CHD3: variants seen among roughly 807,000 people sequenced by gnomAD.
CHD3 encodes the protein ATP-dependent chromatin remodeler CHD3.
A neutral mutation model predicts 248.9 loss-of-function variants in CHD3; 52 were observed. That is an observed-to-expected ratio of 0.21 (90% CI 0.17 to 0.26). The LOEUF (loss-of-function observed/expected upper bound fraction) is 0.26. Ranked by LOEUF, CHD3 falls within the 10% of genes least tolerant of loss-of-function variation. The pLI is 1.00. For missense variants in CHD3, 1,482 were observed against 2,605.8 expected (o/e 0.57, Z 9.39); for synonymous variants, 985 against 985.2 (o/e 1.00, Z 0.00).
In CHD3 at chr17:7,898,995, CT is replaced by C; in HGVS notation, c.2152-14del. 6.2e-7 allele frequency: 1 copy of C among 1,612,442 alleles called. No individual in the cohort carries two copies. The highest frequency in any genetic ancestry group is 1.1e-5 in the South Asian group (1 of 91,040). On this transcript the variant is annotated splice_polypyrimidine_tract_variant and intron_variant, in intron 13 of 39. Transcript: ENST00000330494. ...CCGACTATTTCCTTGAGCTTTCTGA[CT>C]TCTTGTCTCTATAGCCTACCGTGAA...
rs1567855431 is a variant in CHD3 at position 7,900,264 on chromosome 17, CTGCCT to C, written c.2683-16_2683-12del. 6.2e-7 allele frequency: 1 copy of C among 1,613,792 alleles called. No homozygotes were observed. Among genetic ancestry groups the C allele is most frequent in the South Asian group, 1.1e-5 (1 of 91,028 alleles). On this transcript the variant is annotated intron_variant, in intron 16 of 39. Transcript: ENST00000330494. The surrounding 1 kb of genome is among the most constrained non-coding windows in gnomAD (Gnocchi z 6.5). ...ACTTGTCACTAATAAGCCCATTTTC[CTGCCT>C]TGCCTTGCCCCATCTTTTAGTTTTT...
chr17:7,903,771 C>T lies in CHD3; in HGVS notation c.3728-54C>T. Reference sequence around the variant, plus strand: ...GGACGCAGAGTAGAAGCTTTCCCATCAGCCTTTCTAAACTTTGGAACCCAA... The same window carrying T: ...GGACGCAGAGTAGAAGCTTTCCCATTAGCCTTTCTAAACTTTGGAACCCAA... On this transcript the variant is annotated intron_variant, in intron 23 of 39. Transcript: ENST00000330494. The surrounding 1 kb of genome is among the most constrained non-coding windows in gnomAD (Gnocchi z 6.8). 6.3e-7 allele frequency: 1 copy of T among 1,586,090 alleles called. No individual in the cohort carries two copies. The highest frequency in any genetic ancestry group is 8.6e-7 in the Non-Finnish European group (1 of 1,158,832).
rs927137611 is a variant in CHD3, at chr17:7,912,632, T to G, written c.*1047T>G. The stretch of plus-strand genomic sequence containing the variant: ...CATGGCGAACCCCCCACTTCCTCTT[T>G]GCTGCCCCTTCACTTTCTTGCTGCC... On this transcript the variant is annotated 3_prime_UTR_variant, in exon 40 of 40. Transcript: ENST00000330494. 1 of 152,178 alleles carries G rather than the reference T, an allele frequency of 6.6e-6. No individual in the cohort carries two copies. Among genetic ancestry groups the G allele is most frequent in the Non-Finnish European group, 1.5e-5 (1 of 68,086 alleles). 9.4% of individuals were successfully genotyped at this position (152,178 alleles called of 1,614,324 possible). A position where few individuals can be genotyped will look rare whatever the true frequency, so the allele number is the denominator to read the frequency against.
chr17:7,895,277 A>C lies in CHD3; in HGVS notation c.1504-62A>C. On this transcript the variant is annotated intron_variant, in intron 9 of 39. Coordinates refer to ENST00000330494, the MANE Select transcript of CHD3 (RefSeq NM_001005273.3). The surrounding 1 kb of genome is among the most constrained non-coding windows in gnomAD (Gnocchi z 4.9). ...ACCCTTGTGGGACCCCTATCTTCTC[A>C]TCTAACAATGGGTTCTTTCTGCCTC... is the stretch of plus-strand genomic sequence containing the variant. The C allele has an allele frequency of 6.3e-7, 1 of 1,595,616 alleles. No homozygotes were observed. Among genetic ancestry groups the C allele is most frequent in the Non-Finnish European group, 8.6e-7 (1 of 1,167,870 alleles).
Position 7,908,569 on chromosome 17 carries a change from A to G in CHD3, c.5261+59A>G. On this transcript the variant is annotated intron_variant, in intron 35 of 39. Transcript: ENST00000330494. The surrounding 1 kb of genome is among the most constrained non-coding windows in gnomAD (Gnocchi z 5.8). ...TTCTCTCAAGCTGGCAAAAAAAAAA[A>G]AGATGATTTCACACCCAGGGACAGG... is the stretch of plus-strand genomic sequence containing the variant. 1.9e-6 allele frequency: 3 copies of G among 1,586,456 alleles called. No homozygotes were observed. In the East Asian group the frequency reaches 6.7e-5, roughly 35 times the overall value.
Position 7,906,480 on chromosome 17 carries a change from C to G in CHD3, c.4359-73C>G. Reference sequence around the variant, plus strand: ...GGGGGTTTGGGGGTCCTCAGTCATCCTCGCGCCTCCCTCACTGCCCTATAC... The same window carrying G: ...GGGGGTTTGGGGGTCCTCAGTCATCGTCGCGCCTCCCTCACTGCCCTATAC... On this transcript the variant is annotated intron_variant, in intron 28 of 39. Coordinates refer to ENST00000330494, the MANE Select transcript of CHD3 (RefSeq NM_001005273.3). The surrounding 1 kb of genome is among the most constrained non-coding windows in gnomAD (Gnocchi z 5.0). 6.5e-7 allele frequency: 1 copy of G among 1,539,666 alleles called. No homozygotes were observed. The highest frequency in any genetic ancestry group is 1.4e-5 in the African/African-American group (1 of 73,184).
At chr17:7,885,884 C>A (rs1335655860), upstream of CHD3, among the ~76,000 whole-genome samples, 1 of 152,222 alleles carries the variant, frequency 6.6e-6, no homozygotes, top group African/African-American at 2.4e-5. Context: ...CCCCTCGCTC[C>A]CCCAGCCTGT....
At position 7,908,774 on chromosome 17, in the gene CHD3, C is replaced by A; in HGVS notation, c.5339C>A (p.Ala1780Asp). The change falls in exon 36 of 40, where the codon GCC becomes GAC. Residue 1780 changes from alanine (A) to aspartate (D), a missense_variant. By Grantham distance (126) the Ala-to-Asp change is moderately radical (BLOSUM62 -2). Transcript: ENST00000330494. The surrounding 1 kb of genome is among the most constrained non-coding windows in gnomAD (Gnocchi z 5.8). ...AIINEPFKTE[A>D]NKGNFLEMKN... is the part of the protein sequence containing the mutation. ...ATCAACGAGCCATTTAAAACTGAAGCCAATAAGGGGAACTTTCTGGAGATG... is the reference window on the plus strand; with the variant it reads ...ATCAACGAGCCATTTAAAACTGAAGACAATAAGGGGAACTTTCTGGAGATG... 1.9e-6 allele frequency: 3 copies of A among 1,614,066 alleles called. No homozygotes were observed. The highest frequency in any genetic ancestry group is 2.5e-6 in the Non-Finnish European group (3 of 1,180,006).
At chr17:7,898,366 G>A in intron 12 of CHD3, 130 bp from the exon 13 acceptor site, 1 of 781,402 alleles carries the variant, frequency 1.3e-6, no homozygotes, top group Non-Finnish European at 2.1e-6. Context: ...CAAGGGTAAA[G>A]AGCCTGGGAA....
rs571014498 is a variant in CHD3, at chr17:7,905,521, A to G, written c.4139-100A>G. Reference sequence around the variant, plus strand: ...TGGGAGCACCTCAAACGTGACAGGAATGTTCCTGTGTTGTGTATCTTGTGG... The same window carrying G: ...TGGGAGCACCTCAAACGTGACAGGAGTGTTCCTGTGTTGTGTATCTTGTGG... On this transcript the variant is annotated intron_variant, in intron 26 of 39. Coordinates refer to ENST00000330494, the MANE Select transcript of CHD3 (RefSeq NM_001005273.3). This position sits in a 1 kb window ranked among gnomAD's most constrained non-coding sequence, Gnocchi z 5.8. 5.1e-5 allele frequency: 45 copies of G among 889,772 alleles called. No individual in the cohort carries two copies. The East Asian group carries it at 1.2e-3, about 24-fold the overall frequency. 55.1% of individuals were successfully genotyped at this position (889,772 alleles called of 1,614,324 possible).
chr17:7,886,605 C>T (rs1161462401), upstream of CHD3, among the ~76,000 whole-genome samples: 3 of 152,112 alleles, frequency 2.0e-5, no homozygotes, highest in Non-Finnish European at 2.9e-5. The surrounding 1 kb of genome is among the most constrained non-coding windows in gnomAD (Gnocchi z 4.2). Flanking sequence ...CCCCGCCCCC[C>T]AAGCTTGTCT....
In CHD3 at chr17:7,890,717, G is replaced by T. The variant is rs748572297; in HGVS notation, c.360G>T (p.Lys120Asn). ...KKEKKTKRRK[K>N]GEGDGGQKQV... ...AGAAGAAGACAAAGCGGCGGAAAAA[G>T]GGGGAGGGAGATGGGGGGCAAAAGG... Residue 120 changes from lysine to asparagine, a missense_variant, in exon 3 of 40, where the codon AAG (lysine) becomes AAT (asparagine). By Grantham distance (94) the Lys-to-Asn change is moderately conservative. Around this residue, in one of 20 missense-constraint regions of CHD3, gnomAD observed 169 missense variants for 168.1 expected, o/e 1.01. Coordinates refer to ENST00000330494, the MANE Select transcript of CHD3 (RefSeq NM_001005273.3). 5 of 1,589,450 alleles carry T rather than the reference G, an allele frequency of 3.1e-6. No individual in the cohort carries two copies. Among genetic ancestry groups the T allele is most frequent in the Non-Finnish European group, 4.3e-6 (5 of 1,170,582 alleles).
chr17:7,901,309 C>T lies in CHD3; in HGVS notation c.3186C>T (p.Leu1062=). The T allele has an allele frequency of 6.2e-7, 1 of 1,613,986 alleles. No individual in the cohort carries two copies. Among genetic ancestry groups the T allele is most frequent in the African/African-American group, 1.3e-5 (1 of 75,058 alleles). The stretch of plus-strand genomic sequence containing the variant: ...CACTTATTAAGTCGTCTGGGAAGCT[C>T]ATGCTGCTCCAGAAGATGCTGCGAA... ...GGALIKSSGK[L]MLLQKMLRKL... Residue 1062 remains leucine (L), a synonymous_variant, in exon 20 of 40, where the codon CTC becomes CTT. Coordinates refer to ENST00000330494, the MANE Select transcript of CHD3 (RefSeq NM_001005273.3).
At chr17:7,886,378 G>A (rs951852724), upstream of CHD3, among the ~76,000 whole-genome samples, 2 of 152,160 alleles carry the variant, frequency 1.3e-5, no homozygotes, top group African/African-American at 4.8e-5. This position sits in a 1 kb window ranked among gnomAD's most constrained non-coding sequence, Gnocchi z 4.2. Flanking sequence ...GAACAGCAGG[G>A]GGACCTCCGC....
rs1970511124 is a variant in CHD3 at position 7,903,127 on chromosome 17, T to C, written c.3495+66T>C. On this transcript the variant is annotated intron_variant, in intron 22 of 39. Coordinates refer to ENST00000330494, the MANE Select transcript of CHD3 (RefSeq NM_001005273.3). This position sits in a 1 kb window ranked among gnomAD's most constrained non-coding sequence, Gnocchi z 6.8. ...GGAGATGTGGGTTCATGGAGGAGGG[T>C]GTCATGTTCCGGGGTCAGAAATAAA... 1.9e-6 allele frequency: 3 copies of C among 1,586,850 alleles called. No homozygotes were observed. The highest frequency in any genetic ancestry group is 1.7e-4 in the Middle Eastern group (1 of 5,956).
In CHD3 at chr17:7,897,880, T is replaced by G. The variant is rs2151548478; in HGVS notation, c.1920-91T>G. 7.1e-7 allele frequency: 1 copy of G among 1,417,604 alleles called. No homozygotes were observed. The allele number at this position is 1,417,604 out of a possible 1,614,324, so 87.8% of individuals were successfully genotyped here. A position where few individuals can be genotyped will look rare whatever the true frequency, so the allele number is the denominator to read the frequency against. On this transcript the variant is annotated intron_variant, in intron 11 of 39. Transcript: ENST00000330494. The surrounding 1 kb of genome is among the most constrained non-coding windows in gnomAD (Gnocchi z 4.8). The stretch of plus-strand genomic sequence containing the variant: ...GGTTGGGTGACAAATTTTGTGTGTT[T>G]GCTGATAATTGCGTTTCTCAGGCCT...
chr17:7,905,312 CAT>C lies in CHD3; in HGVS notation c.4138+149_4138+150del, dbSNP rs1970797318. The C allele has an allele frequency of 1.4e-6, 1 of 740,160 alleles. No homozygotes were observed. Among genetic ancestry groups the C allele is most frequent in the East Asian group, 2.7e-5 (1 of 37,126 alleles). The allele number at this position is 740,160 out of a possible 1,614,324, so 45.8% of individuals were successfully genotyped here. A position where few individuals can be genotyped will look rare whatever the true frequency, so the allele number is the denominator to read the frequency against. Reference sequence around the variant, plus strand: ...AGATGAGCAGAAAGGAAGAAATATTCATAGTCTCTCTGCTAGTAAACTTCGGT... The same window carrying C: ...AGATGAGCAGAAAGGAAGAAATATTCAGTCTCTCTGCTAGTAAACTTCGGT... On this transcript the variant is annotated intron_variant, in intron 26 of 39. Transcript: ENST00000330494. This position sits in a 1 kb window ranked among gnomAD's most constrained non-coding sequence, Gnocchi z 5.8.
chr17:7,906,483 G>C lies in CHD3; in HGVS notation c.4359-70G>C, dbSNP rs1055268392. ...GGTTTGGGGGTCCTCAGTCATCCTC[G>C]CGCCTCCCTCACTGCCCTATACCCC... On this transcript the variant is annotated intron_variant, in intron 28 of 39. Coordinates refer to ENST00000330494, the MANE Select transcript of CHD3 (RefSeq NM_001005273.3). This position sits in a 1 kb window ranked among gnomAD's most constrained non-coding sequence, Gnocchi z 5.0. 1 of 1,547,736 alleles carries C rather than the reference G, an allele frequency of 6.5e-7. No homozygotes were observed. The highest frequency in any genetic ancestry group is 1.4e-5 in the African/African-American group (1 of 73,158).
chr17:7,903,507 A>G lies in CHD3; in HGVS notation c.3727+4A>G. The G allele has an allele frequency of 6.2e-7, 1 of 1,609,102 alleles. No homozygotes were observed. On this transcript the variant is annotated splice_donor_region_variant and intron_variant, in intron 23 of 39. Coordinates refer to ENST00000330494, the MANE Select transcript of CHD3 (RefSeq NM_001005273.3). This position sits in a 1 kb window ranked among gnomAD's most constrained non-coding sequence, Gnocchi z 6.8. ...CTATTCAAGGATGAAAACGAGGGTG[A>G]GAACCTTTTCTGCAGCTCTGTGAAA... is the stretch of plus-strand genomic sequence containing the variant.
Sources: allele counts gnomAD v4.1 joint callset (sites outside exome capture counted in the v4.1 genomes callset), GRCh38; gene constraint gnomAD v4.1.1; regional missense constraint gnomAD v4.1.1; non-coding constraint Gnocchi (gnomAD v3.1); transcripts MANE v1.5; gene names NCBI Gene and HGNC (gene_info 2026-07-23, HGNC 2026-07-21).